FBXL13: variants seen among roughly 807,000 people sequenced by gnomAD.
The protein encoded by FBXL13 is F-box and leucine-rich repeat protein 13.
Under a neutral mutation model 83.6 loss-of-function variants are expected in FBXL13, and 67 were observed. That is an observed-to-expected ratio of 0.80 (90% CI 0.66 to 0.98). The LOEUF is 0.98. Among genes scored for constraint, FBXL13 ranks in the 50% least tolerant of loss-of-function variants. The pLI is 0.00. For synonymous variants in FBXL13, 272 were observed against 299.5 expected (o/e 0.91, Z 0.95); for missense variants, 822 against 866.5 (o/e 0.95, Z 0.64).
At chr7:102,884,384 A>C in intron 11 of FBXL13, 72 bp from the exon 13 acceptor site, 1 of 1,058,860 alleles carries the variant, frequency 9.4e-7, no homozygotes. Flanking sequence ...GTAATAACCA[A>C]AGATACACCA....
chr7:102,918,107 AC>A (rs756160426), intron 10 of FBXL13, among the ~76,000 whole-genome samples: 56 of 152,206 alleles, frequency 3.7e-4, no homozygotes, highest in Non-Finnish European at 7.1e-4. Flanking sequence ...AGCAGAAACA[AC>A]CAACATTTCT....
At chr7:102,965,538 C>T (rs184359768) in intron 7 of FBXL13, among the ~76,000 whole-genome samples, 1 of 152,240 alleles carries the variant, frequency 6.6e-6, no homozygotes, top group East Asian at 1.9e-4. Context: ...CTAAAATACA[C>T]AACACATAAG....
At chr7:102,992,134 A>G (rs75730860) in intron 6 of FBXL13, among the ~76,000 whole-genome samples, 2,413 of 152,186 alleles carry the variant, frequency 0.016, 69 homozygotes, top group African/African-American at 0.056. Flanking sequence ...GACCCACCCA[A>G]GGCAGGGGGA....
chr7:102,940,505 T>TG (rs1261799648), intron 8 of FBXL13, among the ~76,000 whole-genome samples: 1 of 152,196 alleles, frequency 6.6e-6, no homozygotes, highest in African/African-American at 2.4e-5. Context: ...CCACCATGCC[T>TG]GGCCTAAATG....
chr7:102,822,259 C>T lies in FBXL13; in HGVS notation c.1855-56G>A, dbSNP rs562999615. On this transcript the variant is annotated intron_variant, in intron 18 of 19. Coordinates refer to ENST00000313221, the Ensembl canonical transcript of FBXL13. ...ATTCAAACACTATCTCAGGGAAGAACAGTGCCTTAGTCACTTTGGGCAACT... is the reference window on the plus strand; with the variant it reads ...ATTCAAACACTATCTCAGGGAAGAATAGTGCCTTAGTCACTTTGGGCAACT... 54 of 1,547,862 alleles carry T rather than the reference C, an allele frequency of 3.5e-5. No individual in the cohort carries two copies. The African/African-American group carries it at 4.2e-4, about 12-fold the overall frequency.
At chr7:102,927,814 T>C (rs549541424) in intron 9 of FBXL13, among the ~76,000 whole-genome samples, 2 of 152,246 alleles carry the variant, frequency 1.3e-5, no homozygotes, top group Non-Finnish European at 2.9e-5. Context: ...GTGTACAATT[T>C]TTCCAAAAAG....
At chr7:102,931,160 T>C (rs1490656046) in intron 9 of FBXL13, among the ~76,000 whole-genome samples, 1 of 152,174 alleles carries the variant, frequency 6.6e-6, no homozygotes, top group Non-Finnish European at 1.5e-5. Flanking sequence ...AAGGGCATTT[T>C]AAGCAAAGAG....
At chr7:103,031,403 T>C (rs554644449) in intron 2 of FBXL13, 1 of 152,304 alleles carries the variant, frequency 6.6e-6, no homozygotes, top group South Asian at 2.1e-4. Context: ...CAAATATATA[T>C]GTATTGATCC....
At chr7:103,063,601 C>T (rs778219639) in intron 1 of FBXL13, among the ~76,000 whole-genome samples, 3 of 152,034 alleles carry the variant, frequency 2.0e-5, no homozygotes, top group Non-Finnish European at 4.4e-5. Flanking sequence ...AAATAAAGCC[C>T]TCTATCACAT....
At chr7:102,947,775 G>C (rs962188944) in intron 8 of FBXL13, among the ~76,000 whole-genome samples, 1 of 148,874 alleles carries the variant, frequency 6.7e-6, no homozygotes, top group Non-Finnish European at 1.5e-5. Flanking sequence ...TTGGATATTT[G>C]GATAAAATAA....
chr7:102,954,427 A>G (rs1222492321), intron 8 of FBXL13, among the ~76,000 whole-genome samples: 1 of 152,248 alleles, frequency 6.6e-6, no homozygotes, highest in East Asian at 1.9e-4. Context: ...GGTACCAGCC[A>G]CTGCAAAAAC....
rs575502665 is a variant in FBXL13, at chr7:102,993,826, G to A, written c.496-25709C>T. Among the ~76,000 whole-genome samples, 19 of 152,256 alleles carry A rather than the reference G, an allele frequency of 1.2e-4. 1 individual carries two copies. The South Asian group carries it at 2.1e-3, about 17-fold the overall frequency. ...ACTGAACCTAAAATGCAAGACTACA[G>A]TTTGTTATGTGTATTCTAAGAAAGT... On this transcript the variant is annotated intron_variant, in intron 6 of 19. Coordinates refer to ENST00000313221, the Ensembl canonical transcript of FBXL13.
chr7:102,918,496 T>C (rs908976958), intron 10 of FBXL13, among the ~76,000 whole-genome samples: 1 of 152,200 alleles, frequency 6.6e-6, no homozygotes, highest in Admixed American at 6.5e-5. Flanking sequence ...TGTTTTAAGT[T>C]AAAAAATAAT....
At chr7:103,036,043 C>T (rs942519220) in intron 2 of FBXL13, among the ~76,000 whole-genome samples, 7 of 152,224 alleles carry the variant, frequency 4.6e-5, no homozygotes, top group East Asian at 1.9e-4. Flanking sequence ...CCTCATCAGC[C>T]GCAGCATTAG....
At chr7:102,938,625 T>C (rs900305214) in intron 8 of FBXL13, among the ~76,000 whole-genome samples, 3 of 152,220 alleles carry the variant, frequency 2.0e-5, no homozygotes, top group Admixed American at 1.3e-4. Flanking sequence ...ACATAGTACC[T>C]GGACTAGAAA....
intron 17 of FBXL13, among the ~76,000 whole-genome samples, chr7:102,839,456 G>A (rs1020513021): frequency 7.9e-5 from 12 of 151,988 alleles, no homozygotes; most frequent in Non-Finnish European, 1.2e-4. Flanking sequence ...TCAGTCTCTC[G>A]TCCCACCTGA....
chr7:103,006,092 A>T (rs1284623771), intron 6 of FBXL13, among the ~76,000 whole-genome samples: 1 of 152,238 alleles, frequency 6.6e-6, no homozygotes, highest in Non-Finnish European at 1.5e-5. Flanking sequence ...AAATGACACA[A>T]GATCTATGAT....
chr7:102,990,775 C>A (rs1256811683), intron 6 of FBXL13, among the ~76,000 whole-genome samples: 1 of 152,124 alleles, frequency 6.6e-6, no homozygotes, highest in East Asian at 1.9e-4. Flanking sequence ...AAAGAGAGCA[C>A]GTGATGGGTG....
chr7:102,955,830 C>A, intron 8 of FBXL13, among the ~76,000 whole-genome samples: 1 of 151,864 alleles, frequency 6.6e-6, no homozygotes, highest in Non-Finnish European at 1.5e-5. Flanking sequence ...AAGACTAAAC[C>A]AGGAAGAAGT....
Sources: allele counts gnomAD v4.1 joint callset (sites outside exome capture counted in the v4.1 genomes callset), GRCh38; gene constraint gnomAD v4.1.1; transcripts MANE v1.5; gene names NCBI Gene and HGNC (gene_info 2026-07-23, HGNC 2026-07-21).